The following INPP1 variants were observed in gnomAD, a reference collection of about 807,000 sequenced individuals.
The protein encoded by INPP1 is inositol polyphosphate-1-phosphatase, also known as inositol polyphosphate 1-phosphatase.
In INPP1, 18 loss-of-function variants were observed where a neutral mutation model predicts 23.0. The ratio of observed to expected loss-of-function variants is 0.78; its 90% CI spans 0.54 to 1.16. The LOEUF is 1.16. Ranked by LOEUF, INPP1 falls within the 50% of genes most tolerant of loss-of-function variation. The pLI is 0.00. For synonymous variants in INPP1, 164 were observed against 176.3 expected, an observed-to-expected ratio of 0.93 and a Z score of 0.55; for missense variants, 448 against 482.1, an observed-to-expected ratio of 0.93 and a Z score of 0.66.
chr2:190,371,537 T>A lies in INPP1; in HGVS notation c.*135T>A, dbSNP rs995772736. On this transcript the variant is annotated 3_prime_UTR_variant, in exon 7 of 7. Coordinates refer to ENST00000392329, the MANE Select transcript of INPP1 (RefSeq NM_001128928.2). This position sits in a 1 kb window ranked among gnomAD's most constrained non-coding sequence, Gnocchi z 5.3. Reference sequence around the variant, plus strand: ...TCTTTTGAGGAGTATTTTTCCATTATGTATTCATAATAATGTTAATTTCAA... The same window carrying A: ...TCTTTTGAGGAGTATTTTTCCATTAAGTATTCATAATAATGTTAATTTCAA... 2.7e-5 allele frequency: 15 copies of A among 558,334 alleles called. No individual in the cohort carries two copies. The highest frequency in any genetic ancestry group is 3.6e-5 in the Non-Finnish European group (12 of 333,026). The allele number at this position is 558,334 out of a possible 1,614,324, so 34.6% of individuals were successfully genotyped here.
intron 4 of INPP1, among the ~76,000 whole-genome samples, chr2:190,364,606 T>TTTTTTTTTGG (rs796196740): frequency 1.0e-5 from 1 of 96,374 alleles, no homozygotes; most frequent in African/African-American, 4.4e-5. Context: ...TTTTTTTTTT[T>TTTTTTTTTGG]GTTAGATGGA....
chr2:190,365,568 G>C (rs1689628329), intron 4 of INPP1, among the ~76,000 whole-genome samples: 1 of 152,190 alleles, frequency 6.6e-6, no homozygotes, highest in South Asian at 2.1e-4. Context: ...ATACAAAATT[G>C]TGCCCACATG....
In INPP1 at chr2:190,369,991, T is replaced by C. The variant is rs1032994112; in HGVS notation, c.641+714T>C. Among the ~76,000 whole-genome samples, 3 of 152,252 alleles carry C rather than the reference T, an allele frequency of 2.0e-5. 1 individual carries two copies. Among genetic ancestry groups the C allele is most frequent in the Non-Finnish European group, 4.4e-5 (3 of 68,054 alleles). Reference sequence around the variant, plus strand: ...CAAGTAACAATCATTTGCTCTTTAATAGTCATAAGTTTATACCTCTTAAGT... The same window carrying C: ...CAAGTAACAATCATTTGCTCTTTAACAGTCATAAGTTTATACCTCTTAAGT... On this transcript the variant is annotated intron_variant, in intron 6 of 6. Coordinates refer to ENST00000392329, the MANE Select transcript of INPP1 (RefSeq NM_001128928.2).
Position 190,356,682 on chromosome 2 carries a change from T to C in INPP1, c.-64-3357T>C, listed in dbSNP as rs1382560280. 1 of 152,180 alleles carries C rather than the reference T, an allele frequency of 6.6e-6. No homozygotes were observed. Among genetic ancestry groups the C allele is most frequent in the Non-Finnish European group, 1.5e-5 (1 of 68,032 alleles). 9.4% of individuals were successfully genotyped at this position (152,180 alleles called of 1,614,324 possible). On this transcript the variant is annotated intron_variant, in intron 2 of 6. Coordinates refer to ENST00000392329, the MANE Select transcript of INPP1 (RefSeq NM_001128928.2). This position sits in a 1 kb window ranked among gnomAD's most constrained non-coding sequence, Gnocchi z 6.4. ...AGTGTTTCTTGGTTATTCAACAGTGTAGTTAGTATCGTTTCTTTTAAGAAA... is the reference window on the plus strand; with the variant it reads ...AGTGTTTCTTGGTTATTCAACAGTGCAGTTAGTATCGTTTCTTTTAAGAAA...
In INPP1 at chr2:190,345,606, C is replaced by A; in HGVS notation, c.-209+1645C>A. The A allele has an allele frequency of 6.6e-6, 1 of 152,118 alleles. No individual in the cohort carries two copies. 9.4% of individuals were successfully genotyped at this position (152,118 alleles called of 1,614,324 possible). A position where few individuals can be genotyped will look rare whatever the true frequency, so the allele number is the denominator to read the frequency against. On this transcript the variant is annotated intron_variant, in intron 1 of 6. Transcript: ENST00000392329. This position sits in a 1 kb window ranked among gnomAD's most constrained non-coding sequence, Gnocchi z 4.9. ...GATGGTGTATATAAGCACTTTTTCC[C>A]GATGTGAGTCCTTATGAATGTTCTT...
intron 2 of INPP1, among the ~76,000 whole-genome samples, chr2:190,353,118 T>A (rs1689355700): frequency 1.3e-5 from 2 of 152,206 alleles, no homozygotes; most frequent in South Asian, 4.1e-4. Context: ...CCCTTATCTA[T>A]GTCATCACCC....
chr2:190,366,604 T>C, intron 4 of INPP1, 91 bp from the exon 5 acceptor site: 1 of 915,852 alleles, frequency 1.1e-6, no homozygotes, highest in Non-Finnish European at 1.8e-6. Context: ...TCTCGCTCTC[T>C]CTGTCTCTCT....
chr2:190,369,662 T>G (rs1032467304), intron 6 of INPP1, among the ~76,000 whole-genome samples: 4 of 152,232 alleles, frequency 2.6e-5, no homozygotes, highest in African/African-American at 9.6e-5. Context: ...AACTTTGGTA[T>G]AATTTTAGAA....
chr2:190,366,668 ATGGCTTATCGTG>A lies in INPP1; in HGVS notation c.266-20_266-9del. On this transcript the variant is annotated splice_polypyrimidine_tract_variant and intron_variant, in intron 4 of 6. Coordinates refer to ENST00000392329, the MANE Select transcript of INPP1 (RefSeq NM_001128928.2). Reference sequence around the variant, plus strand: ...TCTCCACTGAAACTCTTGAAATGTAATGGCTTATCGTGTGGCTTTACCCTAGGGGAAAAGATT... The same window carrying A: ...TCTCCACTGAAACTCTTGAAATGTAATGGCTTTACCCTAGGGGAAAAGATT... 1.3e-6 allele frequency: 2 copies of A among 1,509,504 alleles called. No homozygotes were observed. Among genetic ancestry groups the A allele is most frequent in the Non-Finnish European group, 9.2e-7 (1 of 1,085,784 alleles). The allele number at this position is 1,509,504 out of a possible 1,614,324, so 93.5% of individuals were successfully genotyped here. A position where few individuals can be genotyped will look rare whatever the true frequency, so the allele number is the denominator to read the frequency against.
In INPP1 at chr2:190,368,677, G is replaced by A. The variant is rs1427804745; in HGVS notation, c.467-426G>A. The A allele has an allele frequency of 6.6e-6, 1 of 152,456 alleles. No individual in the cohort carries two copies. The highest frequency in any genetic ancestry group is 1.5e-5 in the Non-Finnish European group (1 of 68,312). The allele number at this position is 152,456 out of a possible 1,614,324, so 9.4% of individuals were successfully genotyped here. On this transcript the variant is annotated intron_variant, in intron 5 of 6. Transcript: ENST00000392329. The surrounding 1 kb of genome is among the most constrained non-coding windows in gnomAD (Gnocchi z 4.3). Reference sequence around the variant, plus strand: ...TACAGTTAAGTTCTTATTGATTATAGTTACCCTATTGTGCTATCAAATAGT... The same window carrying A: ...TACAGTTAAGTTCTTATTGATTATAATTACCCTATTGTGCTATCAAATAGT...
At chr2:190,369,705 A>G (rs1459090147) in intron 6 of INPP1, among the ~76,000 whole-genome samples, 3 of 152,176 alleles carry the variant, frequency 2.0e-5, no homozygotes, top group Non-Finnish European at 2.9e-5. Flanking sequence ...TATCCAATGA[A>G]AAGATTGGTA....
At chr2:190,347,087 C>T (rs947365994) in intron 1 of INPP1, among the ~76,000 whole-genome samples, 1 of 144,520 alleles carries the variant, frequency 6.9e-6, no homozygotes, top group Admixed American at 7.0e-5. Context: ...TCTCGGCTCA[C>T]AGCAACCTCT....
chr2:190,369,451 A>G (rs144983855), intron 6 of INPP1, among the ~76,000 whole-genome samples, 174 bp downstream of exon 6: 128 of 152,336 alleles, frequency 8.4e-4, no homozygotes, highest in Admixed American at 3.7e-3. Context: ...GATTTGCGTA[A>G]TTTTATTTCA....
chr2:190,368,914 C>A lies in INPP1; in HGVS notation c.467-189C>A. 1 of 406,568 alleles carries A rather than the reference C, an allele frequency of 2.5e-6. No homozygotes were observed. The highest frequency in any genetic ancestry group is 4.4e-6 in the Non-Finnish European group (1 of 228,094). 25.2% of individuals were successfully genotyped at this position (406,568 alleles called of 1,614,324 possible). Reference sequence around the variant, plus strand: ...CACATCCTCTCCCTTCAAGAGTTCTCACAGTCAGGAAAATGAAACACAAGC... The same window carrying A: ...CACATCCTCTCCCTTCAAGAGTTCTAACAGTCAGGAAAATGAAACACAAGC... On this transcript the variant is annotated intron_variant, in intron 5 of 6. Coordinates refer to ENST00000392329, the MANE Select transcript of INPP1 (RefSeq NM_001128928.2). The surrounding 1 kb of genome is among the most constrained non-coding windows in gnomAD (Gnocchi z 4.3).
rs1363288759 is a variant in INPP1, at chr2:190,346,917, TATTATA to T, written c.-208-1970_-208-1965del. Reference sequence around the variant, plus strand: ...GCTGCACCCAGCCTAATTTCTTTCATATTATAGATTTATTTGTTACCTCTTCCATGT... The same window carrying T: ...GCTGCACCCAGCCTAATTTCTTTCATGATTTATTTGTTACCTCTTCCATGT... On this transcript the variant is annotated intron_variant, in intron 1 of 6. Coordinates refer to ENST00000392329, the MANE Select transcript of INPP1 (RefSeq NM_001128928.2). This position sits in a 1 kb window ranked among gnomAD's most constrained non-coding sequence, Gnocchi z 5.1. Among the ~76,000 whole-genome samples the T allele has an allele frequency of 6.6e-5, 10 of 151,962 alleles. No homozygotes were observed. The highest frequency in any genetic ancestry group is 2.4e-4 in the African/African-American group (10 of 41,360).
rs772596667 is a variant in INPP1, at chr2:190,362,606, G to A, written c.205-21G>A. 50 of 1,562,556 alleles carry A rather than the reference G, an allele frequency of 3.2e-5. 1 individual carries two copies. The highest frequency in any genetic ancestry group is 1.6e-4 in the Admixed American group (9 of 55,686). On this transcript the variant is annotated intron_variant, in intron 3 of 6. Coordinates refer to ENST00000392329, the MANE Select transcript of INPP1 (RefSeq NM_001128928.2). ...TGTGTGGGTTTTTGTTTTGTTTTTC[G>A]TCATACTCTGAATCATTCAGTTTCC...
chr2:190,360,566 A>G, intron 3 of INPP1, among the ~76,000 whole-genome samples: 1 of 152,258 alleles, frequency 6.6e-6, no homozygotes, highest in Non-Finnish European at 1.5e-5. Flanking sequence ...TAAACACTTC[A>G]GTATAGAACC....
At chr2:190,362,786 C>A in intron 4 of INPP1, 99 bp downstream of exon 4, 1 of 676,298 alleles carries the variant, frequency 1.5e-6, no homozygotes, top group Non-Finnish European at 2.5e-6. Context: ...AAGCCACTTA[C>A]TGTAAACAAC....
chr2:190,349,994 G>A (rs553540668), intron 2 of INPP1, among the ~76,000 whole-genome samples: 3 of 152,244 alleles, frequency 2.0e-5, no homozygotes, highest in South Asian at 2.1e-4. Flanking sequence ...ACAGGCATGC[G>A]CCACCACGCC....
Sources: gnomAD v4.1 joint callset for allele counts (sites outside exome capture counted in the v4.1 genomes callset) on GRCh38, gnomAD v4.1.1 for gene constraint, Gnocchi (gnomAD v3.1) non-coding constraint, MANE v1.5 for transcripts, NCBI Gene and HGNC (gene_info 2026-07-23, HGNC 2026-07-21) for gene names.